Variants in MGAT4A observed in about 807,000 individuals in gnomAD.
MGAT4A encodes N-acetylglucosaminyltransferase IVa.
A neutral mutation model predicts 74.1 loss-of-function variants in MGAT4A; 33 were observed. That is an observed-to-expected ratio of 0.45 (90% confidence interval 0.34 to 0.60). The LOEUF is 0.60. Ranked by LOEUF, MGAT4A falls within the 20% of genes least tolerant of loss-of-function variation. The probability of loss-of-function intolerance (pLI) is 0.02; values close to 1 mark genes in which losing one functional copy is unlikely to be tolerated. For synonymous variants in MGAT4A, 198 were observed against 210.4 expected (o/e 0.94, Z 0.51); for missense variants, 479 against 628.3 (o/e 0.76, Z 2.54).
chr2:98,644,638 CTT>C (rs531715546), intron 9 of MGAT4A, among the ~76,000 whole-genome samples: 4 of 144,950 alleles, frequency 2.8e-5, no homozygotes, highest in Non-Finnish European at 3.0e-5. Context: ...TAAACATACT[CTT>C]TTTTTTTTTT....
rs560888080 is a variant in MGAT4A at position 98,624,611 on chromosome 2, T to A, written c.*955A>T. 245 of 984,910 alleles carry A rather than the reference T, an allele frequency of 2.5e-4. 4 individuals are homozygous for A. In the South Asian group the frequency reaches 0.01, roughly 41 times the overall value. The allele number at this position is 984,910 out of a possible 1,614,324, so 61.0% of individuals were successfully genotyped here. A position where few individuals can be genotyped will look rare whatever the true frequency, so the allele number is the denominator to read the frequency against. On this transcript the variant is annotated 3_prime_UTR_variant, in exon 16 of 16. Coordinates refer to ENST00000393487, the MANE Select transcript of MGAT4A (RefSeq NM_012214.3). ...ATTTTGTCTGACGTCATAAAATGAG[T>A]GCAGATATAAAAGAATCAACAGCAG...
chr2:98,694,974 A>G (rs1702248210), intron 2 of MGAT4A: 2 of 151,258 alleles, frequency 1.3e-5, no homozygotes, highest in Admixed American at 6.6e-5. Flanking sequence ...TAACTTTTCT[A>G]TATTTTACTG....
At chr2:98,678,945 A>G (rs1353715478) in intron 2 of MGAT4A, among the ~76,000 whole-genome samples, 5 of 152,180 alleles carry the variant, frequency 3.3e-5, no homozygotes, top group Non-Finnish European at 2.9e-5. Context: ...CCATAGACCA[A>G]ACTTTTCCTC....
chr2:98,697,406 G>A (rs1040789065), intron 2 of MGAT4A, among the ~76,000 whole-genome samples: 7 of 152,166 alleles, frequency 4.6e-5, no homozygotes, highest in Non-Finnish European at 8.8e-5. Context: ...GGGATGCAGG[G>A]GTTGGTGTGA....
chr2:98,634,037 A>T (rs1463058342), intron 14 of MGAT4A, among the ~76,000 whole-genome samples: 1 of 152,224 alleles, frequency 6.6e-6, no homozygotes, highest in African/African-American at 2.4e-5. Flanking sequence ...CTATAGACCT[A>T]CAATATCAAT....
intron 2 of MGAT4A, among the ~76,000 whole-genome samples, chr2:98,689,431 C>A (rs1390953875): frequency 6.6e-6 from 1 of 152,134 alleles, no homozygotes; most frequent in African/African-American, 2.4e-5. Context: ...CCTTGAAGAA[C>A]TTTCTCTAAT....
At chr2:98,668,067 G>A (rs1351861476) in intron 4 of MGAT4A, among the ~76,000 whole-genome samples, 1 of 152,136 alleles carries the variant, frequency 6.6e-6, no homozygotes, top group Non-Finnish European at 1.5e-5. Context: ...AAAATTTGCA[G>A]CCTGACAATG....
chr2:98,730,045 A>G (rs1702822803), intron 1 of MGAT4A: 1 of 152,272 alleles, frequency 6.6e-6, no homozygotes, highest in Admixed American at 6.5e-5. Flanking sequence ...TTAAACATTC[A>G]GAAAAAGAAA....
chr2:98,673,000 G>A (rs1286082493), intron 4 of MGAT4A, among the ~76,000 whole-genome samples: 1 of 152,052 alleles, frequency 6.6e-6, no homozygotes, highest in Non-Finnish European at 1.5e-5. Flanking sequence ...AAATTATTCA[G>A]CAACCCCTTG....
At chr2:98,710,336 A>G (rs1702498166) in intron 2 of MGAT4A, among the ~76,000 whole-genome samples, 1 of 152,246 alleles carries the variant, frequency 6.6e-6, no homozygotes, top group Non-Finnish European at 1.5e-5. Context: ...GACAATGTAG[A>G]TATTAAAAGA....
At chr2:98,697,622 ATCTCT>A (rs1702295492) in intron 2 of MGAT4A, among the ~76,000 whole-genome samples, 1 of 152,254 alleles carries the variant, frequency 6.6e-6, no homozygotes, top group Non-Finnish European at 1.5e-5. Context: ...TTTGCACTGT[ATCTCT>A]CTGTCTTTGC....
At chr2:98,699,358 T>C (rs779562494) in intron 2 of MGAT4A, among the ~76,000 whole-genome samples, 2 of 152,194 alleles carry the variant, frequency 1.3e-5, no homozygotes, top group Non-Finnish European at 2.9e-5. Flanking sequence ...ACTCTTCTCA[T>C]ATAGGGAAAG....
At chr2:98,632,724 AGG>A (rs1701259271) in intron 14 of MGAT4A, among the ~76,000 whole-genome samples, 1 of 152,142 alleles carries the variant, frequency 6.6e-6, no homozygotes, top group Admixed American at 6.5e-5. Context: ...ACCTTGCTTT[AGG>A]ATCAGAGCAC....
Position 98,625,529 on chromosome 2 carries a change from A to G in MGAT4A, c.*37T>C, listed in dbSNP as rs1411868125. On this transcript the variant is annotated 3_prime_UTR_variant, in exon 16 of 16. Coordinates refer to ENST00000393487, the MANE Select transcript of MGAT4A (RefSeq NM_012214.3). ...ACATGCTTAACTATCTTTAATTAACAAATTCACAGGAAAAAATGTGTTGGT... is the reference window on the plus strand; with the variant it reads ...ACATGCTTAACTATCTTTAATTAACGAATTCACAGGAAAAAATGTGTTGGT... 11 of 1,601,432 alleles carry G rather than the reference A, an allele frequency of 6.9e-6. No individual in the cohort carries two copies. The highest frequency in any genetic ancestry group is 9.3e-6 in the Non-Finnish European group (11 of 1,177,096).
rs374353063 is a variant in MGAT4A, at chr2:98,625,563, T to C, written c.*3A>G. ...GGAAAAAATGTGTTGGTTTCTCAGATGATCAGTTGGTGGCTTTTTTAATAT... is the reference window on the plus strand; with the variant it reads ...GGAAAAAATGTGTTGGTTTCTCAGACGATCAGTTGGTGGCTTTTTTAATAT... On this transcript the variant is annotated 3_prime_UTR_variant, in exon 16 of 16. Transcript: ENST00000393487. 37 of 1,609,068 alleles carry C rather than the reference T, an allele frequency of 2.3e-5. No homozygotes were observed. The highest frequency in any genetic ancestry group is 3.0e-5 in the Non-Finnish European group (35 of 1,178,694).
intron 14 of MGAT4A, among the ~76,000 whole-genome samples, chr2:98,627,300 T>C (rs1166412759): frequency 6.6e-6 from 1 of 152,230 alleles, no homozygotes; most frequent in Non-Finnish European, 1.5e-5. Context: ...TAGTTTTGCA[T>C]ATAAGCACCA....
In MGAT4A at chr2:98,621,275, G is replaced by A; in HGVS notation, c.*4291C>T. The A allele has an allele frequency of 8.4e-7, 1 of 1,184,474 alleles. No homozygotes were observed. Among genetic ancestry groups the A allele is most frequent in the East Asian group, 2.7e-5 (1 of 36,484 alleles). 73.4% of individuals were successfully genotyped at this position (1,184,474 alleles called of 1,614,324 possible). A position where few individuals can be genotyped will look rare whatever the true frequency, so the allele number is the denominator to read the frequency against. ...CAGGCTGGGTCTTATCTGGAGACTG[G>A]AGATGAATGCCTTTCCAAGCCTATG... On this transcript the variant is annotated 3_prime_UTR_variant, in exon 16 of 16. Transcript: ENST00000393487.
chr2:98,666,293 T>TG lies in MGAT4A; in HGVS notation c.404-3115dup, dbSNP rs143749354. ...CAACTTTCACTCAGAACAACACACT[T>TG]GAGGAGAGGGCCTCCAATCCAGATT... is the stretch of plus-strand genomic sequence containing the variant. On this transcript the variant is annotated intron_variant, in intron 4 of 15. Coordinates refer to ENST00000393487, the MANE Select transcript of MGAT4A (RefSeq NM_012214.3). 6.7e-3 allele frequency among the ~76,000 whole-genome samples: 1,021 copies of TG among 152,160 alleles called. 15 individuals are homozygous for TG. The highest frequency in any genetic ancestry group is 0.023 in the African/African-American group (949 of 41,506).
At chr2:98,729,564 T>C (rs1284797986) in intron 1 of MGAT4A, among the ~76,000 whole-genome samples, 3 of 152,218 alleles carry the variant, frequency 2.0e-5, no homozygotes, top group African/African-American at 4.8e-5. Flanking sequence ...GTGGCTAAAA[T>C]TGCTAGTCAT....
Sources: allele counts gnomAD v4.1 joint callset (sites outside exome capture counted in the v4.1 genomes callset), GRCh38; gene constraint gnomAD v4.1.1; transcripts MANE v1.5; gene names NCBI Gene and HGNC (gene_info 2026-07-23, HGNC 2026-07-21).